CDK14: variants seen among roughly 807,000 people sequenced by gnomAD.
CDK14 encodes the protein cyclin-dependent kinase 14.
Under a neutral mutation model 60.7 loss-of-function variants are expected in CDK14, and 34 were observed. The ratio of observed to expected loss-of-function variants is 0.56; its 90% CI spans 0.43 to 0.75. The LOEUF is 0.75. Ranked by LOEUF, CDK14 falls within the 30% of genes least tolerant of loss-of-function variation. The probability of loss-of-function intolerance (pLI) is 0.00; values close to 1 mark genes in which losing one functional copy is unlikely to be tolerated. For synonymous variants in CDK14, 197 were observed against 203.7 expected (o/e 0.97, Z 0.28); for missense variants, 482 against 564.1 (o/e 0.85, Z 1.47).
chr7:90,695,137 C>T (rs1218734001), intron 2 of CDK14, among the ~76,000 whole-genome samples: 1 of 152,174 alleles, frequency 6.6e-6, no homozygotes, highest in African/African-American at 2.4e-5. Flanking sequence ...GCCTTATCTA[C>T]ACTTCATCTT....
intron 2 of CDK14, among the ~76,000 whole-genome samples, chr7:90,605,087 G>T (rs1021294290): frequency 1.8e-4 from 28 of 152,166 alleles, no homozygotes; most frequent in Non-Finnish European, 7.3e-5. Flanking sequence ...TGGTGGTTTG[G>T]TTTGTTTTAA....
intron 4 of CDK14, among the ~76,000 whole-genome samples, chr7:90,769,587 C>T (rs1804704737): frequency 2.0e-5 from 3 of 152,176 alleles, no homozygotes; most frequent in African/African-American, 7.2e-5. Flanking sequence ...CTGCCTCAGC[C>T]TCCCGAGTAG....
In CDK14 at chr7:90,764,159, A is replaced by T. The variant is rs142090385; in HGVS notation, c.464+16384A>T. Among the ~76,000 whole-genome samples the T allele has an allele frequency of 4.9e-3, 744 of 152,266 alleles. 3 individuals are homozygous for T. The highest frequency in any genetic ancestry group is 0.016 in the African/African-American group (672 of 41,550). ...GTTGAATCTGTAATGCAGATTTGTG[A>T]ATTGATTTTAAAAGTTTCGTGGGAG... On this transcript the variant is annotated intron_variant, in intron 4 of 14. Transcript: ENST00000380050.
At chr7:90,948,313 A>G (rs1794159323) in intron 8 of CDK14, among the ~76,000 whole-genome samples, 1 of 152,222 alleles carries the variant, frequency 6.6e-6, no homozygotes, top group South Asian at 2.1e-4. Flanking sequence ...TGTGAAAATG[A>G]TGATATATTC....
chr7:90,914,777 T>G (rs2117407462), intron 7 of CDK14, among the ~76,000 whole-genome samples: 1 of 152,322 alleles, frequency 6.6e-6, no homozygotes, highest in East Asian at 1.9e-4. Context: ...TTGGAACTAC[T>G]TGATTTACCT....
intron 14 of CDK14, among the ~76,000 whole-genome samples, chr7:91,148,627 C>G (rs551710460): frequency 1.3e-5 from 2 of 152,276 alleles, no homozygotes; most frequent in Admixed American, 1.3e-4. Context: ...ACATTGCATT[C>G]TTTGGGGAGA....
At chr7:90,964,148 T>C (rs1794687100) in intron 9 of CDK14, among the ~76,000 whole-genome samples, 1 of 152,184 alleles carries the variant, frequency 6.6e-6, no homozygotes, top group Non-Finnish European at 1.5e-5. Context: ...GAAGTATGTT[T>C]TGTGTATAAG....
intron 2 of CDK14, chr7:90,710,317 A>G (rs1802013718): frequency 1.0e-6 from 1 of 985,148 alleles, no homozygotes; most frequent in Non-Finnish European, 1.2e-6. Flanking sequence ...GCTGAAAGAG[A>G]TCTTACATTT....
intron 4 of CDK14, among the ~76,000 whole-genome samples, chr7:90,776,928 C>T (rs764001796): frequency 6.6e-6 from 1 of 151,966 alleles, no homozygotes. Context: ...TCCCCTTGCA[C>T]GCTCTTCTTG....
intron 10 of CDK14, among the ~76,000 whole-genome samples, chr7:91,027,092 G>A (rs1333224096): frequency 6.6e-6 from 1 of 152,168 alleles, no homozygotes; most frequent in Non-Finnish European, 1.5e-5. Context: ...ATCTACTTCA[G>A]CATTAGTCTC....
chr7:90,929,542 T>C (rs1793526615), intron 8 of CDK14, among the ~76,000 whole-genome samples: 1 of 152,254 alleles, frequency 6.6e-6, no homozygotes, highest in Non-Finnish European at 1.5e-5. Context: ...CTATTCAGTT[T>C]AGCTTTCCTG....
chr7:91,174,943 G>A (rs2115830475), intron 14 of CDK14, among the ~76,000 whole-genome samples: 1 of 145,486 alleles, frequency 6.9e-6, no homozygotes, highest in South Asian at 2.2e-4. Context: ...TTCAGATTCA[G>A]GAAATACAGA....
intron 2 of CDK14, among the ~76,000 whole-genome samples, chr7:90,607,453 A>T (rs1052684883): frequency 1.3e-5 from 2 of 152,216 alleles, no homozygotes; most frequent in African/African-American, 4.8e-5. Context: ...ATTCATGTAG[A>T]GGATGCCTCT....
At chr7:91,119,276 T>A (rs1799711347) in intron 14 of CDK14, among the ~76,000 whole-genome samples, 1 of 151,690 alleles carries the variant, frequency 6.6e-6, no homozygotes, top group South Asian at 2.1e-4. Flanking sequence ...AGCTCAGGAG[T>A]TCGAGAACAG....
Position 90,609,433 on chromosome 7 carries a change from G to A in CDK14, c.123+5184G>A, listed in dbSNP as rs545183404. Among the ~76,000 whole-genome samples the A allele has an allele frequency of 1.4e-4, 21 of 152,124 alleles. 1 individual carries two copies. The highest frequency in any genetic ancestry group is 2.9e-4 in the Non-Finnish European group (20 of 68,032). On this transcript the variant is annotated intron_variant, in intron 2 of 14. Transcript: ENST00000380050. ...GCCTGGTGGGAGGTGATTGGATTGT[G>A]GGGGTGGATCCTTCTTGAATGATTT...
intron 2 of CDK14, among the ~76,000 whole-genome samples, chr7:90,698,656 T>G (rs1801715903): frequency 6.6e-6 from 1 of 152,174 alleles, no homozygotes; most frequent in Non-Finnish European, 1.5e-5. Flanking sequence ...ACACCCCCAA[T>G]TTTTTTGGAA....
At chr7:91,158,063 T>A (rs1801037719) in intron 14 of CDK14, among the ~76,000 whole-genome samples, 1 of 145,072 alleles carries the variant, frequency 6.9e-6, no homozygotes, top group South Asian at 2.1e-4. Flanking sequence ...TATAATATAT[T>A]ATATTATATA....
intron 11 of CDK14, among the ~76,000 whole-genome samples, chr7:91,053,907 A>G (rs1389770003): frequency 2.0e-5 from 3 of 152,110 alleles, no homozygotes; most frequent in Admixed American, 2.0e-4. Context: ...CTTCTAGAAG[A>G]GTCATGTCTG....
At position 90,645,241 on chromosome 7, in the gene CDK14, C is replaced by A. The variant is rs201058095; in HGVS notation, c.123+40992C>A. 6.6e-5 allele frequency among the ~76,000 whole-genome samples: 10 copies of A among 152,138 alleles called. No homozygotes were observed. In the East Asian group the frequency reaches 1.9e-3, roughly 29 times the overall value. On this transcript the variant is annotated intron_variant, in intron 2 of 14. Transcript: ENST00000380050. ...TGGCCTTGGCCACTCATAAATACATCCTCAGTTTTTTTCAGGTATTAATAT... is the reference window on the plus strand; with the variant it reads ...TGGCCTTGGCCACTCATAAATACATACTCAGTTTTTTTCAGGTATTAATAT...
Sources: gnomAD v4.1 joint callset for allele counts (sites outside exome capture counted in the v4.1 genomes callset) on GRCh38, gnomAD v4.1.1 for gene constraint, MANE v1.5 for transcripts, NCBI Gene and HGNC (gene_info 2026-07-23, HGNC 2026-07-21) for gene names.